OVOL2: variants seen among roughly 807,000 people sequenced by gnomAD.
The protein encoded by OVOL2 is ovo like zinc finger 2.
Under a neutral mutation model 18.1 loss-of-function variants are expected in OVOL2, and 13 were observed. The ratio of observed to expected loss-of-function variants is 0.72; its 90% CI spans 0.47 to 1.14. OVOL2 has a LOEUF of 1.14. Among genes scored for constraint, OVOL2 ranks in the 50% most tolerant of loss-of-function variants. The pLI, the probability that OVOL2 is intolerant of heterozygous loss-of-function variation, is 0.00. For missense variants in OVOL2, 335 were observed against 383.0 expected (o/e 0.87, Z 1.05); for synonymous variants, 166 against 162.7 (o/e 1.02, Z -0.16).
chr20:18,054,090 T>A (rs1048451236), intron 2 of OVOL2, among the ~76,000 whole-genome samples: 8 of 152,212 alleles, frequency 5.3e-5, no homozygotes, highest in African/African-American at 1.9e-4. Flanking sequence ...AATGTTTGTG[T>A]CTCCCTATTA....
chr20:18,055,233 T>C (rs1265446927), intron 2 of OVOL2, among the ~76,000 whole-genome samples: 1 of 152,176 alleles, frequency 6.6e-6, no homozygotes, highest in Non-Finnish European at 1.5e-5. Context: ...TGAGAATCTG[T>C]CACTTTCTCT....
chr20:18,050,190 A>G (rs2036760301), intron 2 of OVOL2, among the ~76,000 whole-genome samples: 1 of 152,190 alleles, frequency 6.6e-6, no homozygotes, highest in African/African-American at 2.4e-5. Context: ...AGTGAAAACT[A>G]CGCTTCCCTG....
At chr20:18,041,805 G>T in intron 2 of OVOL2, 82 bp from the exon 3 acceptor site, 1 of 1,325,500 alleles carries the variant, frequency 7.5e-7, no homozygotes, top group Non-Finnish European at 1.0e-6. Flanking sequence ...ACCTCCCTGT[G>T]TCTTGAGGCT....
chr20:18,057,668 C>T lies in OVOL2; in HGVS notation c.-34G>A. On this transcript the variant is annotated 5_prime_UTR_variant, in exon 1 of 4. Coordinates refer to ENST00000278780, the MANE Select transcript of OVOL2 (RefSeq NM_021220.4). This position sits in a 1 kb window ranked among gnomAD's most constrained non-coding sequence, Gnocchi z 6.3. ...CCCCTCTCCCGACTGCGGCCCCCTC[C>T]TCCCGGCTGCTCCCCGCTAGGGGCA... 2.0e-6 allele frequency: 3 copies of T among 1,535,700 alleles called. 1 individual carries two copies. The highest frequency in any genetic ancestry group is 2.4e-5 in the South Asian group (2 of 82,834).
rs6136269 is a variant in OVOL2, at chr20:18,053,851, C to T, written c.321+2806G>A. On this transcript the variant is annotated intron_variant, in intron 2 of 3. Coordinates refer to ENST00000278780, the MANE Select transcript of OVOL2 (RefSeq NM_021220.4). ...CCTGGTTACATTTCCAGCTCTTTAC[C>T]GCCAACTCTCTCCCTGACCCCAGCA... is the stretch of plus-strand genomic sequence containing the variant. 2.5e-3 allele frequency among the ~76,000 whole-genome samples: 387 copies of T among 152,174 alleles called. 2 individuals carry two copies. Among genetic ancestry groups the T allele is most frequent in the Non-Finnish European group, 3.4e-3 (233 of 68,004 alleles).
chr20:18,035,639 T>C (rs75786481), intron 3 of OVOL2, among the ~76,000 whole-genome samples: 18,309 of 152,194 alleles, frequency 0.12, 1,183 homozygotes, highest in Middle Eastern at 0.16. Context: ...TCGGCAAGCC[T>C]GTTCCTCTGA....
intron 3 of OVOL2, among the ~76,000 whole-genome samples, chr20:18,028,519 G>C (rs560079702): frequency 6.6e-6 from 1 of 152,146 alleles, no homozygotes; most frequent in Non-Finnish European, 1.5e-5. Context: ...TAGGCTGGGT[G>C]CGGTGGCTCA....
intron 3 of OVOL2, among the ~76,000 whole-genome samples, chr20:18,041,093 C>G (rs2036663473): frequency 6.6e-6 from 1 of 152,208 alleles, no homozygotes; most frequent in South Asian, 2.1e-4. Context: ...GGTGACACAG[C>G]TGGCAGGTGG....
chr20:18,025,838 C>T (rs921887781), intron 3 of OVOL2, among the ~76,000 whole-genome samples: 6 of 152,184 alleles, frequency 3.9e-5, no homozygotes, highest in South Asian at 4.1e-4. Context: ...CACTGGCTGC[C>T]GGCTGCTCCT....
intron 3 of OVOL2, among the ~76,000 whole-genome samples, chr20:18,036,691 G>A (rs1019320371): frequency 3.3e-5 from 5 of 152,068 alleles, no homozygotes; most frequent in African/African-American, 9.7e-5. Context: ...TGCTTCCTCT[G>A]TGGGCAGAGG....
Position 18,041,459 on chromosome 20 carries a change from T to C in OVOL2, c.511+75A>G. 2.0e-6 allele frequency: 3 copies of C among 1,527,596 alleles called. No homozygotes were observed. The Middle Eastern group carries it at 5.3e-4, about 268-fold the overall frequency. The allele number at this position is 1,527,596 out of a possible 1,614,324, so 94.6% of individuals were successfully genotyped here. A position where few individuals can be genotyped will look rare whatever the true frequency, so the allele number is the denominator to read the frequency against. On this transcript the variant is annotated intron_variant, in intron 3 of 3. Transcript: ENST00000278780. ...CATTGTTCCACGGTCTCAACCTGGT[T>C]TTTTGGTGGGAAAGAAACAGGAGCT...
intron 2 of OVOL2, among the ~76,000 whole-genome samples, chr20:18,045,610 A>T (rs1304891141): frequency 6.6e-6 from 1 of 152,234 alleles, no homozygotes; most frequent in East Asian, 1.9e-4. Context: ...AGATCATCTG[A>T]TCAAGACATA....
chr20:18,048,390 C>T (rs985424237), intron 2 of OVOL2, among the ~76,000 whole-genome samples: 3 of 152,058 alleles, frequency 2.0e-5, no homozygotes, highest in Admixed American at 2.0e-4. Context: ...AAAAGGGAGC[C>T]ACTAGCTCCC....
intron 3 of OVOL2, among the ~76,000 whole-genome samples, chr20:18,039,561 G>A (rs986953978): frequency 6.8e-6 from 1 of 146,406 alleles, no homozygotes; most frequent in African/African-American, 2.5e-5. Flanking sequence ...GAGCCCAGGA[G>A]TTGGTGGCTG....
intron 2 of OVOL2, among the ~76,000 whole-genome samples, chr20:18,055,372 A>C (rs1343549943): frequency 1.3e-5 from 2 of 152,134 alleles, no homozygotes; most frequent in Non-Finnish European, 2.9e-5. Context: ...AATCTCCCGA[A>C]GGGCAGAGCT....
intron 3 of OVOL2, among the ~76,000 whole-genome samples, chr20:18,028,124 G>A (rs2036536627): frequency 1.3e-5 from 2 of 152,082 alleles, no homozygotes; most frequent in Non-Finnish European, 2.9e-5. Context: ...GGGACCCCAG[G>A]CACTAGGTCA....
In OVOL2 at chr20:18,056,897, G is replaced by T; in HGVS notation, c.101-20C>A. On this transcript the variant is annotated intron_variant, in intron 1 of 3. Transcript: ENST00000278780. This position sits in a 1 kb window ranked among gnomAD's most constrained non-coding sequence, Gnocchi z 4.2. ...GGCCCACTGTGGAGGGAGGGGCCGC[G>T]CCCCGACACACACACTCGGCGTCAA... The T allele has an allele frequency of 6.8e-7, 1 of 1,475,968 alleles. No homozygotes were observed. The highest frequency in any genetic ancestry group is 8.9e-7 in the Non-Finnish European group (1 of 1,121,444). The allele number at this position is 1,475,968 out of a possible 1,614,324, so 91.4% of individuals were successfully genotyped here. A position where few individuals can be genotyped will look rare whatever the true frequency, so the allele number is the denominator to read the frequency against.
chr20:18,054,777 AAAAAAG>A (rs1280058541), intron 2 of OVOL2, among the ~76,000 whole-genome samples: 62 of 135,878 alleles, frequency 4.6e-4, no homozygotes, highest in East Asian at 1.4e-3. Flanking sequence ...AAAAAAAAAA[AAAAAAG>A]AAAGAAAAGA....
chr20:18,035,771 A>G (rs1207014333), intron 3 of OVOL2, among the ~76,000 whole-genome samples: 6 of 152,198 alleles, frequency 3.9e-5, no homozygotes, highest in Non-Finnish European at 7.3e-5. Context: ...AAACATTTCC[A>G]TAGTTCCATT....
Sources: gnomAD v4.1 joint callset for allele counts (sites outside exome capture counted in the v4.1 genomes callset) on GRCh38, gnomAD v4.1.1 for gene constraint, Gnocchi (gnomAD v3.1) non-coding constraint, MANE v1.5 for transcripts, NCBI Gene and HGNC (gene_info 2026-07-23, HGNC 2026-07-21) for gene names.